ATXN8OS: variants seen among roughly 807,000 people sequenced by gnomAD.
ATXN8OS encodes ATXN8 opposite strand lncRNA.
chr13:70,107,601 C>T (rs139358653), upstream of ATXN8OS: 3,881 of 1,593,632 alleles, frequency 2.4e-3, 5 homozygotes, highest in Non-Finnish European at 2.9e-3. Flanking sequence ...AGCCTCCCCC[C>T]GCCGGGCCGC....
intron 3 of ATXN8OS, among the ~76,000 whole-genome samples, chr13:70,144,944 C>G (rs1888762135): frequency 6.6e-6 from 1 of 152,028 alleles, no homozygotes; most frequent in African/African-American, 2.4e-5. Flanking sequence ...CAATTTCTTT[C>G]TATGTCAAGG....
chr13:70,134,514 C>T (rs1300315296), intron 3 of ATXN8OS, among the ~76,000 whole-genome samples: 2 of 152,126 alleles, frequency 1.3e-5, no homozygotes, highest in African/African-American at 4.8e-5. Context: ...CACTGGTTAC[C>T]ATGCCAGGGA....
At chr13:70,129,017 C>T (rs1268293933) in intron 2 of ATXN8OS, among the ~76,000 whole-genome samples, 1 of 151,996 alleles carries the variant, frequency 6.6e-6, no homozygotes, top group South Asian at 2.1e-4. Context: ...TGCACCACCA[C>T]GCCCAGCTAA....
chr13:70,122,090 T>C (rs1288918173), intron 2 of ATXN8OS, among the ~76,000 whole-genome samples: 1 of 152,040 alleles, frequency 6.6e-6, no homozygotes, highest in African/African-American at 2.4e-5. Context: ...AATCCCTTCT[T>C]GCACAAATTG....
intron 3 of ATXN8OS, chr13:70,130,580 C>T (rs979227700): frequency 1.0e-5 from 4 of 396,942 alleles, no homozygotes; most frequent in South Asian, 1.4e-4. Flanking sequence ...TTTTGAGATA[C>T]CAATGGTGGG....
chr13:70,131,222 T>C (rs1041966768), intron 3 of ATXN8OS: 11 of 373,274 alleles, frequency 2.9e-5, no homozygotes, highest in Non-Finnish European at 5.0e-5. Flanking sequence ...CATGTATACA[T>C]CCTAAATATT....
intron 2 of ATXN8OS, among the ~76,000 whole-genome samples, chr13:70,124,402 G>T (rs1281613425): frequency 1.3e-5 from 2 of 152,046 alleles, no homozygotes; most frequent in Non-Finnish European, 2.9e-5. Context: ...GAGTGGAGCT[G>T]CAACAGCTAC....
intron 1 of ATXN8OS, among the ~76,000 whole-genome samples, chr13:70,112,919 A>ATCT (rs3072593): frequency 8.1e-6 from 1 of 123,050 alleles, no homozygotes; most frequent in Non-Finnish European, 1.6e-5. Context: ...TTATATATAT[A>ATCT]ATTTTTTTTT....
intron 2 of ATXN8OS, among the ~76,000 whole-genome samples, chr13:70,129,543 T>C (rs1226934303): frequency 6.6e-6 from 1 of 152,118 alleles, no homozygotes; most frequent in Non-Finnish European, 1.5e-5. Context: ...TAATACAAGG[T>C]CATGTAATGC....
intron 2 of ATXN8OS, among the ~76,000 whole-genome samples, chr13:70,120,718 A>G (rs905477529): frequency 1.3e-5 from 2 of 152,148 alleles, no homozygotes; most frequent in African/African-American, 4.8e-5. Flanking sequence ...CTGCACATAT[A>G]CACCATGGAA....
intron 2 of ATXN8OS, among the ~76,000 whole-genome samples, chr13:70,125,936 A>AT (rs1392092329): frequency 2.6e-5 from 4 of 152,108 alleles, no homozygotes; most frequent in African/African-American, 9.7e-5. Flanking sequence ...ACAGGGGTAC[A>AT]AATATGCCTG....
intron 4 of ATXN8OS, among the ~76,000 whole-genome samples, chr13:70,158,075 T>C (rs1249680296): frequency 1.3e-5 from 2 of 152,166 alleles, no homozygotes; most frequent in Non-Finnish European, 2.9e-5. Context: ...AGATTGTGTG[T>C]AAAGCCGCTA....
chr13:70,160,560 A>G (rs1286653931), intron 4 of ATXN8OS, among the ~76,000 whole-genome samples: 4 of 151,018 alleles, frequency 2.6e-5, no homozygotes, highest in Non-Finnish European at 4.4e-5. Context: ...AAATTGTCAT[A>G]TTTTCAATAT....
intron 4 of ATXN8OS, among the ~76,000 whole-genome samples, chr13:70,151,221 C>T (rs1026590916): frequency 3.9e-5 from 6 of 152,010 alleles, no homozygotes; most frequent in African/African-American, 1.4e-4. Context: ...TTACAGACAC[C>T]ATGTTGAACA....
chr13:70,129,271 T>C (rs1888492243), intron 2 of ATXN8OS, among the ~76,000 whole-genome samples: 1 of 152,178 alleles, frequency 6.6e-6, no homozygotes, highest in Admixed American at 6.6e-5. Flanking sequence ...TTCAACAAAA[T>C]AGTTTATTTG....
intron 1 of ATXN8OS, among the ~76,000 whole-genome samples, chr13:70,111,069 T>C (rs1018909081): frequency 7.2e-5 from 11 of 152,202 alleles, no homozygotes; most frequent in African/African-American, 2.4e-4. Context: ...GTTGCCATAG[T>C]TTCCTGAAAC....
chr13:70,161,003 C>A (rs746648193), intron 4 of ATXN8OS, among the ~76,000 whole-genome samples: 6 of 151,334 alleles, frequency 4.0e-5, no homozygotes, highest in Non-Finnish European at 7.4e-5. Flanking sequence ...CATATCGAGA[C>A]AAATCTACAG....
intron 3 of ATXN8OS, among the ~76,000 whole-genome samples, chr13:70,141,295 C>G (rs1888711187): frequency 6.6e-6 from 1 of 152,158 alleles, no homozygotes; most frequent in South Asian, 2.1e-4. Context: ...TCTATAGTGT[C>G]TGTAGTTTGA....
At chr13:70,162,762 ACTTAAGT>A (rs1330022421) in intron 4 of ATXN8OS, among the ~76,000 whole-genome samples, 1 of 152,054 alleles carries the variant, frequency 6.6e-6, no homozygotes, top group African/African-American at 2.4e-5. Flanking sequence ...TTTTTCTACC[ACTTAAGT>A]CTTATTTTGA....
Sources: gnomAD v4.1 joint callset for allele counts (sites outside exome capture counted in the v4.1 genomes callset) on GRCh38, gnomAD v4.1.1 for gene constraint, MANE v1.5 for transcripts, NCBI Gene and HGNC (gene_info 2026-07-23, HGNC 2026-07-21) for gene names.